The following TTC1 variants were observed in gnomAD, a reference collection of about 807,000 sequenced individuals.
The protein encoded by TTC1 is tetratricopeptide repeat domain 1.
A neutral mutation model predicts 37.6 loss-of-function variants in TTC1; 31 were observed. The ratio of observed to expected loss-of-function variants is 0.82; its 90% CI spans 0.62 to 1.11. The LOEUF (loss-of-function observed/expected upper bound fraction) is 1.11, where lower values mean the gene tolerates loss of function less well. TTC1 is among the 50% of genes most tolerant of loss of function. The pLI is 0.00. For synonymous variants in TTC1, 127 were observed against 122.4 expected, an observed-to-expected ratio of 1.04 and a Z score of -0.25; for missense variants, 351 against 339.0, an observed-to-expected ratio of 1.04 and a Z score of -0.28.
intron 2 of TTC1, among the ~76,000 whole-genome samples, chr5:160,019,732 G>A (rs1209422031): frequency 6.6e-6 from 1 of 151,496 alleles, no homozygotes; most frequent in African/African-American, 2.4e-5. Flanking sequence ...CTACAGGCGT[G>A]TGCCACCACA....
At chr5:160,010,257 C>CAAAAAAAA (rs397882520) in intron 1 of TTC1, among the ~76,000 whole-genome samples, 2 of 50,338 alleles carry the variant, frequency 4.0e-5, no homozygotes, top group South Asian at 7.6e-4. Context: ...GATTAAGTCT[C>CAAAAAAAA]AAAAAAAAAA....
chr5:160,011,132 G>A (rs1430338267), intron 2 of TTC1, among the ~76,000 whole-genome samples: 2 of 152,060 alleles, frequency 1.3e-5, no homozygotes, highest in African/African-American at 2.4e-5. Context: ...CAGTCTTTTT[G>A]TTTATTTTCA....
intron 2 of TTC1, among the ~76,000 whole-genome samples, chr5:160,029,785 A>G: frequency 6.6e-6 from 1 of 152,206 alleles, no homozygotes; most frequent in African/African-American, 2.4e-5. Flanking sequence ...AACAAAGTTC[A>G]CCCTTGGGAG....
intron 2 of TTC1, among the ~76,000 whole-genome samples, chr5:160,026,948 C>T (rs1184647593): frequency 6.7e-6 from 1 of 148,920 alleles, no homozygotes; most frequent in African/African-American, 2.5e-5. Context: ...TACTTTTTAG[C>T]TATTTTCTTA....
At chr5:160,043,233 T>C in intron 5 of TTC1, 64 bp downstream of exon 5, 1 of 1,587,272 alleles carries the variant, frequency 6.3e-7, no homozygotes, top group Non-Finnish European at 8.6e-7. Flanking sequence ...AGAGGGGCTT[T>C]GGGTCAGGTG....
chr5:160,041,299 AT>A (rs1757088403), intron 4 of TTC1, among the ~76,000 whole-genome samples: 1 of 149,522 alleles, frequency 6.7e-6, no homozygotes, highest in Non-Finnish European at 1.5e-5. Context: ...TTATGTATGT[AT>A]TATGCTTTCT....
intron 2 of TTC1, among the ~76,000 whole-genome samples, chr5:160,020,724 C>T (rs1464148851): frequency 6.6e-6 from 1 of 152,214 alleles, no homozygotes; most frequent in Non-Finnish European, 1.5e-5. Flanking sequence ...AATCTAATGC[C>T]TGATAGTCTA....
intron 5 of TTC1, among the ~76,000 whole-genome samples, chr5:160,048,126 CTTTTTTTTTTTTTTTT>C (rs56201199): frequency 1.7e-4 from 6 of 35,570 alleles, no homozygotes; most frequent in Non-Finnish European, 2.8e-4. Flanking sequence ...CAAGACATTG[CTTTTTTTTTTTTTTTT>C]TTTTTTTTTT....
chr5:160,018,126 T>A (rs1473639147), intron 2 of TTC1, among the ~76,000 whole-genome samples: 1 of 152,136 alleles, frequency 6.6e-6, no homozygotes, highest in Non-Finnish European at 1.5e-5. Flanking sequence ...ATAAAAGACT[T>A]GAGGGAACCT....
chr5:160,026,276 T>G (rs1756803757), intron 2 of TTC1, among the ~76,000 whole-genome samples: 1 of 152,220 alleles, frequency 6.6e-6, no homozygotes, highest in Admixed American at 6.5e-5. Context: ...CAGTGTTCTC[T>G]ATCTTAATTT....
intron 2 of TTC1, among the ~76,000 whole-genome samples, chr5:160,025,015 T>G (rs769040730): frequency 1.3e-5 from 2 of 152,114 alleles, no homozygotes; most frequent in Non-Finnish European, 1.5e-5. Context: ...TTTTGTATTT[T>G]TATTTTTATT....
Position 160,023,862 on chromosome 5 carries a change from TCTC to T in TTC1, c.331-11272_331-11270del, listed in dbSNP as rs545033498. 4.9e-4 allele frequency: 790 copies of T among 1,611,644 alleles called. 4 individuals are homozygous for T. In the African/African-American group the frequency reaches 7.8e-3, roughly 16 times the overall value. ...TCAGATGACTTCCAATTCTTTTTCTTCTCCTCCTTTCTTTTTCTAGAAGGATTC... is the reference window on the plus strand; with the variant it reads ...TCAGATGACTTCCAATTCTTTTTCTTCTCCTTTCTTTTTCTAGAAGGATTC... On this transcript the variant is annotated intron_variant, in intron 2 of 7. Transcript: ENST00000231238.
Position 160,048,179 on chromosome 5 carries a change from T to C in TTC1, c.542-1335T>C, listed in dbSNP as rs111547307. 8.2e-3 allele frequency among the ~76,000 whole-genome samples: 942 copies of C among 115,150 alleles called. 12 individuals carry two copies. Among genetic ancestry groups the C allele is most frequent in the African/African-American group, 0.03 (899 of 30,298 alleles). The allele number at this position is 115,150 out of a possible 152,430, so 75.5% of individuals were successfully genotyped here. A position where few individuals can be genotyped will look rare whatever the true frequency, so the allele number is the denominator to read the frequency against. ...TTTTTTTTTGGGACAGAGTATTATC[T>C]CTCTGTTGCCCGGGCTGGAGTACAG... On this transcript the variant is annotated intron_variant, in intron 5 of 7. Transcript: ENST00000231238.
intron 2 of TTC1, among the ~76,000 whole-genome samples, chr5:160,031,642 A>G (rs1756912177): frequency 6.6e-6 from 1 of 152,062 alleles, no homozygotes; most frequent in African/African-American, 2.4e-5. Flanking sequence ...AATAAAAAAT[A>G]ACCTCAGAAT....
rs571684563 is a variant in TTC1 at position 160,045,330 on chromosome 5, G to C, written c.541+2161G>C. On this transcript the variant is annotated intron_variant, in intron 5 of 7. Transcript: ENST00000231238. ...GTTTTCCGCATTTGTTTTTGGATTT[G>C]CTTAAACTAATATTTATGTGGTTAG... Among the ~76,000 whole-genome samples the C allele has an allele frequency of 9.9e-5, 15 of 152,152 alleles. 1 individual carries two copies. The East Asian group carries it at 2.5e-3, about 25-fold the overall frequency.
intron 2 of TTC1, among the ~76,000 whole-genome samples, chr5:160,026,949 T>C (rs950485449): frequency 6.6e-6 from 1 of 152,188 alleles, no homozygotes; most frequent in Admixed American, 6.5e-5. Context: ...ACTTTTTAGC[T>C]ATTTTCTTAG....
intron 7 of TTC1, among the ~76,000 whole-genome samples, chr5:160,058,379 T>TCAG (rs1757600814): frequency 6.6e-6 from 1 of 151,770 alleles, no homozygotes; most frequent in Admixed American, 6.6e-5. Flanking sequence ...TTTGACCATC[T>TCAG]CAGCAGCCAT....
At chr5:160,041,151 C>T (rs1370465366) in intron 4 of TTC1, among the ~76,000 whole-genome samples, 2 of 152,070 alleles carry the variant, frequency 1.3e-5, no homozygotes, top group East Asian at 1.9e-4. Flanking sequence ...TTCTGGAATA[C>T]TTCCATACTT....
At chr5:160,039,048 G>A (rs1274020890) in intron 4 of TTC1, 1 of 152,200 alleles carries the variant, frequency 6.6e-6, no homozygotes. Context: ...AATTTAAGGA[G>A]CATATTATAT....
Sources: gnomAD v4.1 joint callset for allele counts (sites outside exome capture counted in the v4.1 genomes callset) on GRCh38, gnomAD v4.1.1 for gene constraint, MANE v1.5 for transcripts, NCBI Gene and HGNC (gene_info 2026-07-23, HGNC 2026-07-21) for gene names.